Variants in CTNNA3 observed in about 807,000 individuals in gnomAD.
CTNNA3 encodes catenin alpha-3.
In CTNNA3, 76 loss-of-function variants were observed where a neutral mutation model predicts 95.7. That is an observed-to-expected ratio of 0.79 (90% confidence interval 0.66 to 0.96). The LOEUF is 0.96. Among genes scored for constraint, CTNNA3 ranks in the 40% least tolerant of loss-of-function variants. CTNNA3 has a pLI of 0.00. For synonymous variants in CTNNA3, 431 were observed against 374.4 expected, an observed-to-expected ratio of 1.15 and a Z score of -1.74; for missense variants, 1,191 against 1,089.8, an observed-to-expected ratio of 1.09 and a Z score of -1.31.
At chr10:66,070,034 T>C (rs2080402547) in intron 14 of CTNNA3, among the ~76,000 whole-genome samples, 2 of 152,194 alleles carry the variant, frequency 1.3e-5, no homozygotes, top group Admixed American at 1.3e-4. Flanking sequence ...ATATTGAATG[T>C]TCCATAAATG....
intron 13 of CTNNA3, among the ~76,000 whole-genome samples, chr10:66,105,725 A>G (rs1243818118): frequency 6.6e-6 from 1 of 152,192 alleles, no homozygotes; most frequent in African/African-American, 2.4e-5. Flanking sequence ...ACAAAAACTG[A>G]CCTCTTCTTT....
chr10:66,507,275 C>T (rs899561757), intron 11 of CTNNA3, among the ~76,000 whole-genome samples: 1 of 152,044 alleles, frequency 6.6e-6, no homozygotes, highest in African/African-American at 2.4e-5. Flanking sequence ...GTGACAGATA[C>T]ATGTATACAG....
Position 65,988,807 on chromosome 10 carries a change from A to G in CTNNA3, c.2160-10T>C. The G allele has an allele frequency of 6.3e-7, 1 of 1,598,796 alleles. No individual in the cohort carries two copies. Among genetic ancestry groups the G allele is most frequent in the African/African-American group, 1.3e-5 (1 of 74,660 alleles). ...TAGTGGTCCTTTGCCCCTGGAAAAA[A>G]ATTTATATATGTTAGCTGTGGTGTT... On this transcript the variant is annotated splice_polypyrimidine_tract_variant and intron_variant, in intron 15 of 17. Transcript: ENST00000433211.
intron 3 of CTNNA3, among the ~76,000 whole-genome samples, chr10:67,605,967 G>A (rs565453619): frequency 2.6e-5 from 4 of 152,098 alleles, no homozygotes; most frequent in East Asian, 1.9e-4. Flanking sequence ...CACCGCACTC[G>A]GCCAAAAATT....
At chr10:66,471,156 A>G (rs1839115640) in intron 11 of CTNNA3, among the ~76,000 whole-genome samples, 1 of 151,928 alleles carries the variant, frequency 6.6e-6, no homozygotes, top group African/African-American at 2.4e-5. Context: ...CATTGAAAAA[A>G]GTAGCATTTT....
chr10:67,227,094 C>CTTTTTT (rs1318466806), intron 5 of CTNNA3, among the ~76,000 whole-genome samples: 1 of 118,514 alleles, frequency 8.4e-6, no homozygotes, highest in African/African-American at 3.2e-5. Context: ...CTTTTTTTTT[C>CTTTTTT]TTTTTTTTTT....
At chr10:66,638,801 C>T (rs1845421214) in intron 9 of CTNNA3, among the ~76,000 whole-genome samples, 1 of 151,898 alleles carries the variant, frequency 6.6e-6, no homozygotes, top group African/African-American at 2.4e-5. Context: ...CTCCCCCGCC[C>T]ATTCGTTATT....
intron 7 of CTNNA3, among the ~76,000 whole-genome samples, chr10:67,108,703 T>C (rs1459753049): frequency 6.6e-6 from 1 of 152,186 alleles, no homozygotes; most frequent in African/African-American, 2.4e-5. Context: ...CTCAGGTCTG[T>C]CTACAGGCTC....
chr10:66,744,543 A>G (rs1036842991), intron 9 of CTNNA3, among the ~76,000 whole-genome samples: 10 of 152,196 alleles, frequency 6.6e-5, no homozygotes, highest in Non-Finnish European at 1.3e-4. Flanking sequence ...AGTGCTCCAT[A>G]TCACCTATTT....
chr10:66,527,708 G>A (rs1841317992), intron 10 of CTNNA3, among the ~76,000 whole-genome samples: 1 of 152,050 alleles, frequency 6.6e-6, no homozygotes, highest in Non-Finnish European at 1.5e-5. Flanking sequence ...ATTATTAAGT[G>A]AAATTGTTTT....
chr10:66,380,929 C>G (rs1414681205), intron 11 of CTNNA3, among the ~76,000 whole-genome samples: 1 of 151,044 alleles, frequency 6.6e-6, no homozygotes, highest in Non-Finnish European at 1.5e-5. Flanking sequence ...TACAAAGAGA[C>G]TTAGACTCCC....
rs1255457708 is a variant in CTNNA3 at position 66,685,305 on chromosome 10, ATATG to A, written c.1282-63525_1282-63522del. On this transcript the variant is annotated intron_variant, in intron 9 of 17. Coordinates refer to ENST00000433211, the MANE Select transcript of CTNNA3 (RefSeq NM_013266.4). ...TATAAGTATATATATGTGTGTATAT[ATATG>A]TGTGTGTGTATGTGTGTATATATAT... Among the ~76,000 whole-genome samples, 84 of 69,096 alleles carry A rather than the reference ATATG, an allele frequency of 1.2e-3. 8 individuals are homozygous for A. Among genetic ancestry groups the A allele is most frequent in the African/African-American group, 7.1e-3 (84 of 11,880 alleles). 45.3% of individuals were successfully genotyped at this position (69,096 alleles called of 152,430 possible).
chr10:66,492,570 A>G (rs1006338564), intron 11 of CTNNA3, among the ~76,000 whole-genome samples: 1 of 152,162 alleles, frequency 6.6e-6, no homozygotes, highest in East Asian at 1.9e-4. Context: ...TTGAAGTTCA[A>G]CAATGATAGC....
At chr10:67,168,054 T>C (rs1010115379) in intron 7 of CTNNA3, among the ~76,000 whole-genome samples, 6 of 152,150 alleles carry the variant, frequency 3.9e-5, no homozygotes, top group African/African-American at 1.4e-4. Context: ...GGAGAATTGC[T>C]TGAACTGGGG....
At chr10:66,649,417 T>TA (rs1211407438) in intron 9 of CTNNA3, among the ~76,000 whole-genome samples, 1 of 152,024 alleles carries the variant, frequency 6.6e-6, no homozygotes, top group African/African-American at 2.4e-5. Context: ...GACACACTGA[T>TA]AAAGGTAAGA....
intron 7 of CTNNA3, among the ~76,000 whole-genome samples, chr10:67,140,693 G>A: frequency 1.3e-5 from 2 of 152,088 alleles, no homozygotes; most frequent in East Asian, 1.9e-4. Context: ...TAGTGAAAAT[G>A]GTAAAACAAA....
chr10:65,941,290 C>T (rs1295730288), intron 17 of CTNNA3, among the ~76,000 whole-genome samples: 1 of 152,178 alleles, frequency 6.6e-6, no homozygotes, highest in African/African-American at 2.4e-5. Context: ...GGTCCATGGT[C>T]CATGTTCTTA....
chr10:66,660,796 C>T (rs1042695075), intron 9 of CTNNA3, among the ~76,000 whole-genome samples: 3 of 152,116 alleles, frequency 2.0e-5, no homozygotes, highest in Non-Finnish European at 4.4e-5. Flanking sequence ...TATCCCATAT[C>T]CCCATTTCCT....
At chr10:67,334,678 T>C (rs920307002) in intron 5 of CTNNA3, 1 of 152,692 alleles carries the variant, frequency 6.5e-6, no homozygotes, top group Non-Finnish European at 1.5e-5. Flanking sequence ...TCCCCAGGAA[T>C]ACTTGTGCCA....
Sources: gnomAD v4.1 joint callset for allele counts (sites outside exome capture counted in the v4.1 genomes callset) on GRCh38, gnomAD v4.1.1 for gene constraint, MANE v1.5 for transcripts, NCBI Gene and HGNC (gene_info 2026-07-23, HGNC 2026-07-21) for gene names.